GAK: variants seen among roughly 807,000 people sequenced by gnomAD.
GAK encodes cyclin-G-associated kinase.
Under a neutral mutation model 143.9 loss-of-function variants are expected in GAK, and 79 were observed. That is an observed-to-expected ratio of 0.55 (90% confidence interval 0.46 to 0.66). The LOEUF is 0.66. Among genes scored for constraint, GAK ranks in the 30% least tolerant of loss-of-function variants. The pLI is 0.00. For missense variants in GAK, 1,693 were observed against 1,779.7 expected (o/e 0.95, Z 0.88); for synonymous variants, 881 against 765.5 (o/e 1.15, Z -2.49).
intron 5 of GAK, among the ~76,000 whole-genome samples, chr4:903,676 G>A (rs1002663016): frequency 6.6e-6 from 1 of 150,582 alleles, no homozygotes; most frequent in Non-Finnish European, 1.5e-5. Flanking sequence ...GAGCAGGAGT[G>A]CGGGGCCTAT....
chr4:886,466 C>A (rs1716350193), intron 11 of GAK: 1 of 152,252 alleles, frequency 6.6e-6, no homozygotes, highest in Non-Finnish European at 1.5e-5. Flanking sequence ...TGGAGCTGTG[C>A]CCGGCTCCCT....
intron 23 of GAK, 38 bp from the exon 24 acceptor site, chr4:859,760 C>T (rs1243876515): frequency 1.4e-6 from 2 of 1,454,532 alleles, no homozygotes; most frequent in Admixed American, 2.0e-5. Flanking sequence ...CAAGCACCAT[C>T]TGAAGCGAAA....
intron 25 of GAK, 106 bp from the exon 26 acceptor site, chr4:851,190 C>T (rs188305286): frequency 1.6e-5 from 15 of 926,446 alleles, no homozygotes; most frequent in Admixed American, 4.8e-5. Flanking sequence ...CTTTGCCTCC[C>T]GGCCTCAAGC....
At position 893,875 on chromosome 4, in the gene GAK, G is replaced by A. The variant is rs759709734; in HGVS notation, c.876C>T (p.Ile292=). 1 of 1,586,886 alleles carries A rather than the reference G, an allele frequency of 6.3e-7. No homozygotes were observed. Among genetic ancestry groups the A allele is most frequent in the Admixed American group, 1.7e-5 (1 of 58,106 alleles). The part of the protein sequence containing the change: ...DTQYTVFHSL[I]RAMLQVNPEE... ...CGCACGCATTCCACCGGGACTTACG[G>A]ATGAGGCTGTGGAAGACCGTGTACT... The change falls in exon 8 of 28, where the codon ATC becomes ATT. Residue 292 remains isoleucine, a splice_region_variant and synonymous_variant. Coordinates refer to ENST00000314167, the MANE Select transcript of GAK (RefSeq NM_005255.4).
chr4:924,003 A>T (rs996195104), intron 1 of GAK, among the ~76,000 whole-genome samples: 2 of 151,844 alleles, frequency 1.3e-5, no homozygotes, highest in African/African-American at 4.8e-5. Context: ...TGACCAACAT[A>T]GTGACACCCC....
chr4:871,957 A>G (rs1236765054), intron 18 of GAK, among the ~76,000 whole-genome samples: 4 of 152,184 alleles, frequency 2.6e-5, no homozygotes, highest in Non-Finnish European at 5.9e-5. Flanking sequence ...TGAATGTTAT[A>G]CACCTAAGAA....
chr4:901,836 T>C (rs1719928012), intron 5 of GAK, among the ~76,000 whole-genome samples: 2 of 152,286 alleles, frequency 1.3e-5, no homozygotes, highest in East Asian at 1.9e-4. Context: ...TAGCGAGGTC[T>C]GAGAGAAGCC....
At chr4:902,337 G>A (rs1720025591) in intron 5 of GAK, among the ~76,000 whole-genome samples, 1 of 151,714 alleles carries the variant, frequency 6.6e-6, no homozygotes, top group Non-Finnish European at 1.5e-5. Context: ...TGGGAGCGGT[G>A]GCTCACACCT....
chr4:928,465 A>G (rs1033600314), intron 1 of GAK, among the ~76,000 whole-genome samples: 30 of 152,336 alleles, frequency 2.0e-4, no homozygotes, highest in African/African-American at 5.8e-4. Flanking sequence ...CAGGAGTTCA[A>G]GGCTGCAGTG....
Position 859,724 on chromosome 4 carries a change from T to C in GAK, c.3167-2A>G. The C allele has an allele frequency of 6.3e-7, 1 of 1,583,332 alleles. No individual in the cohort carries two copies. The highest frequency in any genetic ancestry group is 8.6e-7 in the Non-Finnish European group (1 of 1,156,460). On this transcript the variant is annotated splice_acceptor_variant, in intron 23 of 27. Transcript: ENST00000314167. LOFTEE classifies it high-confidence loss of function. ...GACCTCCAGGAGAGAAGAGGGGGCC[T>C]GGAGAAGGGGCACAGGGCATTAGAA...
intron 23 of GAK, among the ~76,000 whole-genome samples, chr4:863,719 C>G (rs896064129): frequency 6.6e-6 from 1 of 152,208 alleles, no homozygotes; most frequent in Non-Finnish European, 1.5e-5. Flanking sequence ...AGACATAATG[C>G]TATTGCACGC....
intron 11 of GAK, chr4:885,808 C>A (rs1054677097): frequency 6.6e-6 from 1 of 151,930 alleles, no homozygotes; most frequent in African/African-American, 2.4e-5. Flanking sequence ...CTTGCTCACT[C>A]CAGGCCAGAG....
chr4:875,168 C>T (rs1280218968), intron 18 of GAK, among the ~76,000 whole-genome samples: 3 of 152,236 alleles, frequency 2.0e-5, no homozygotes, highest in African/African-American at 7.2e-5. Context: ...TCCTCTTCAT[C>T]ATCAGTACCT....
chr4:883,608 C>G, intron 12 of GAK, 145 bp from the exon 13 acceptor site: 2 of 908,824 alleles, frequency 2.2e-6, no homozygotes, highest in Admixed American at 2.2e-5. Context: ...CCGGCCCCCT[C>G]ACCCTCCGTG....
intron 7 of GAK, among the ~76,000 whole-genome samples, chr4:895,401 G>C (rs768481789): frequency 6.6e-6 from 1 of 152,232 alleles, no homozygotes; most frequent in Admixed American, 6.5e-5. Flanking sequence ...GAGTGTCCTC[G>C]TGCGGGATGT....
At chr4:866,686 C>T (rs1560305102) in intron 21 of GAK, 152 bp from the exon 22 acceptor site, 1 of 838,722 alleles carries the variant, frequency 1.2e-6, no homozygotes, top group Non-Finnish European at 1.8e-6. Flanking sequence ...GCAGTCAGCC[C>T]AGGGGCTCCC....
rs534258538 is a variant in GAK, at chr4:893,467, C to G, written c.900G>C (p.Pro300=). The change falls in exon 9 of 28, where the codon CCG becomes CCC. Residue 300 remains proline (P), a synonymous_variant. Coordinates refer to ENST00000314167, the MANE Select transcript of GAK (RefSeq NM_005255.4). The part of the protein sequence containing the change: ...SLIRAMLQVN[P]EERLSIAEVV... ...CCTCGGCGATGGACAGCCGCTCCTC[C>G]GGGTTCACCTGCAGCATGGCGCCTG... 8 of 1,580,212 alleles carry G rather than the reference C, an allele frequency of 5.1e-6. No homozygotes were observed. Among genetic ancestry groups the G allele is most frequent in the Non-Finnish European group, 6.0e-6 (7 of 1,165,496 alleles).
At position 861,728 on chromosome 4, in the gene GAK, C is replaced by A. The variant is rs545041623; in HGVS notation, c.3167-2006G>T. Among the ~76,000 whole-genome samples, 26 of 152,332 alleles carry A rather than the reference C, an allele frequency of 1.7e-4. No individual in the cohort carries two copies. The South Asian group carries it at 4.1e-3, about 24-fold the overall frequency. On this transcript the variant is annotated intron_variant, in intron 23 of 27. Transcript: ENST00000314167. The stretch of plus-strand genomic sequence containing the variant: ...CACGAATGATACGAACACAAACCAG[C>A]CCTATTGCTGATACAGAGGAAGTTC...
At chr4:917,459 C>A (rs1464690079) in intron 1 of GAK, among the ~76,000 whole-genome samples, 2 of 150,900 alleles carry the variant, frequency 1.3e-5, no homozygotes, top group African/African-American at 4.9e-5. Context: ...CACATACAGT[C>A]AGTGTACAGA....
Sources: gnomAD v4.1 joint callset for allele counts (sites outside exome capture counted in the v4.1 genomes callset) on GRCh38, gnomAD v4.1.1 for gene constraint, MANE v1.5 for transcripts, NCBI Gene and HGNC (gene_info 2026-07-23, HGNC 2026-07-21) for gene names.